EXOC4: variants seen among roughly 807,000 people sequenced by gnomAD.
EXOC4 encodes the protein SEC8-like 1.
In EXOC4, 71 loss-of-function variants were observed where a neutral mutation model predicts 107.2. That is an observed-to-expected ratio of 0.66 (90% CI 0.55 to 0.81). The LOEUF is 0.81. EXOC4 is among the 30% of genes least tolerant of loss of function. EXOC4 has a pLI of 0.00. For missense variants in EXOC4, 1,108 were observed against 1,189.6 expected (o/e 0.93, Z 1.01); for synonymous variants, 456 against 441.2 (o/e 1.03, Z -0.42).
chr7:133,928,623 C>T (rs559910006), intron 13 of EXOC4, among the ~76,000 whole-genome samples: 12 of 152,162 alleles, frequency 7.9e-5, no homozygotes, highest in African/African-American at 2.9e-4. Context: ...CTGCACCCTC[C>T]TCCCCTCACT....
At chr7:133,714,320 A>G (rs182445215) in intron 10 of EXOC4, among the ~76,000 whole-genome samples, 8 of 152,246 alleles carry the variant, frequency 5.3e-5, no homozygotes, top group African/African-American at 1.7e-4. Flanking sequence ...CGGAGAGGTC[A>G]CCTTGGATGT....
At chr7:133,899,273 T>C (rs1315548140) in intron 12 of EXOC4, among the ~76,000 whole-genome samples, 1 of 152,216 alleles carries the variant, frequency 6.6e-6, no homozygotes, top group Non-Finnish European at 1.5e-5. Context: ...GATAGCCGTT[T>C]ATATTGTATT....
At chr7:133,803,408 G>A (rs952285823) in intron 10 of EXOC4, among the ~76,000 whole-genome samples, 1 of 151,930 alleles carries the variant, frequency 6.6e-6, no homozygotes, top group African/African-American at 2.4e-5. Flanking sequence ...TCTCTTGCTT[G>A]CATATTCAGC....
chr7:133,421,304 G>A (rs993706523), intron 7 of EXOC4, among the ~76,000 whole-genome samples: 11 of 152,160 alleles, frequency 7.2e-5, no homozygotes, highest in Non-Finnish European at 1.5e-4. Flanking sequence ...CCTTGATTGT[G>A]TCTAACCACA....
intron 10 of EXOC4, among the ~76,000 whole-genome samples, chr7:133,647,868 A>T (rs1027860206): frequency 6.6e-6 from 1 of 152,120 alleles, no homozygotes; most frequent in Non-Finnish European, 1.5e-5. Context: ...AGGTTAAAAT[A>T]CGTGATTTTT....
At chr7:134,067,618 C>T (rs1378042974), downstream of EXOC4, among the ~76,000 whole-genome samples, 1 of 135,158 alleles carries the variant, frequency 7.4e-6, no homozygotes, top group Non-Finnish European at 1.6e-5. Context: ...CAGCTAGGAC[C>T]CAACTCTTAT....
At chr7:133,814,560 G>A (rs777186504) in intron 10 of EXOC4, among the ~76,000 whole-genome samples, 12 of 152,138 alleles carry the variant, frequency 7.9e-5, no homozygotes, top group Non-Finnish European at 1.2e-4. Flanking sequence ...ATTTCTGGGC[G>A]ATAAAGAAAT....
At chr7:133,352,023 C>G (rs886524070) in intron 5 of EXOC4, among the ~76,000 whole-genome samples, 1 of 151,922 alleles carries the variant, frequency 6.6e-6, no homozygotes, top group Non-Finnish European at 1.5e-5. Context: ...AACTTTATCC[C>G]TATTTAGTTA....
chr7:133,325,666 T>C (rs1181462460), intron 5 of EXOC4, among the ~76,000 whole-genome samples: 1 of 152,208 alleles, frequency 6.6e-6, no homozygotes, highest in Non-Finnish European at 1.5e-5. Context: ...ATTCCAACTT[T>C]GGTGAATCTG....
At chr7:133,913,609 A>G (rs1259238920) in intron 12 of EXOC4, among the ~76,000 whole-genome samples, 1 of 152,198 alleles carries the variant, frequency 6.6e-6, no homozygotes, top group Non-Finnish European at 1.5e-5. Context: ...GATGGCTTGA[A>G]TAGGGAACAT....
intron 10 of EXOC4, among the ~76,000 whole-genome samples, chr7:133,800,257 C>A (rs1338018910): frequency 6.6e-6 from 1 of 152,162 alleles, no homozygotes; most frequent in Non-Finnish European, 1.5e-5. Flanking sequence ...CTTAAAGTCA[C>A]ATTTAAAGTA....
chr7:134,070,755 A>G (rs1317693309), downstream of EXOC4, among the ~76,000 whole-genome samples: 1 of 150,348 alleles, frequency 6.7e-6, no homozygotes, highest in Non-Finnish European at 1.5e-5. Context: ...GATGTATGTG[A>G]CCACTTATGT....
At chr7:133,443,782 G>A (rs1275860401) in intron 7 of EXOC4, among the ~76,000 whole-genome samples, 1 of 152,168 alleles carries the variant, frequency 6.6e-6, no homozygotes, top group African/African-American at 2.4e-5. Context: ...TCCCAGAAAG[G>A]TCATTTGGGA....
chr7:134,074,063 G>T, the EXOC4 span, among the ~76,000 whole-genome samples: 23 of 152,290 alleles, frequency 1.5e-4, no homozygotes, highest in African/African-American at 4.6e-4. Flanking sequence ...ACGAGGTCCT[G>T]CCCTCTGTGG....
chr7:133,658,199 C>A (rs1039082776), intron 10 of EXOC4, among the ~76,000 whole-genome samples: 6 of 152,060 alleles, frequency 3.9e-5, no homozygotes, highest in Non-Finnish European at 4.4e-5. Flanking sequence ...CGAGAGAGAT[C>A]CCAATACATC....
chr7:133,357,011 A>G (rs972413821), intron 6 of EXOC4, among the ~76,000 whole-genome samples: 8 of 152,216 alleles, frequency 5.3e-5, no homozygotes, highest in African/African-American at 1.9e-4. Flanking sequence ...AGCCCATACA[A>G]ACTTTGATTG....
intron 9 of EXOC4, among the ~76,000 whole-genome samples, chr7:133,505,767 GTAGT>G (rs1449744812): frequency 2.0e-5 from 3 of 152,090 alleles, no homozygotes; most frequent in Non-Finnish European, 4.4e-5. Flanking sequence ...TTGATGTTCT[GTAGT>G]TAGATTCTTT....
intron 10 of EXOC4, among the ~76,000 whole-genome samples, chr7:133,787,666 T>G (rs1265230883): frequency 6.6e-6 from 1 of 151,762 alleles, no homozygotes; most frequent in Non-Finnish European, 1.5e-5. Flanking sequence ...TCCTCCTTGC[T>G]GTGTCTTCAC....
chr7:133,601,436 C>G (rs993666514), intron 9 of EXOC4, among the ~76,000 whole-genome samples: 4 of 152,036 alleles, frequency 2.6e-5, no homozygotes, highest in African/African-American at 9.6e-5. Context: ...TTAGTTCATT[C>G]CCTTCAATTC....
Sources: allele counts gnomAD v4.1 joint callset (sites outside exome capture counted in the v4.1 genomes callset), GRCh38; gene constraint gnomAD v4.1.1; transcripts MANE v1.5; gene names NCBI Gene and HGNC (gene_info 2026-07-23, HGNC 2026-07-21).